Variants in GRID2 observed in about 807,000 individuals in gnomAD.
GRID2 encodes glutamate receptor ionotropic, delta-2.
Under a neutral mutation model 114.8 loss-of-function variants are expected in GRID2, and 33 were observed. That is an observed-to-expected ratio of 0.29 (90% CI 0.22 to 0.38). The LOEUF (loss-of-function observed/expected upper bound fraction) is 0.38, where lower values mean the gene tolerates loss of function less well. GRID2 is among the 10% of genes least tolerant of loss of function. The pLI is 1.00. For synonymous variants in GRID2, 505 were observed against 449.9 expected (o/e 1.12, Z -1.55); for missense variants, 1,184 against 1,257.7 (o/e 0.94, Z 0.89).
At position 92,363,333 on chromosome 4, in the gene GRID2, A is replaced by C. The variant is rs1270804270; in HGVS notation, c.88+58589A>C. Reference sequence around the variant, plus strand: ...TTTTTACAGGCTCTCAAACAGGACAAAATTTTTCAGCTATGAGGTGTGTCT... The same window carrying C: ...TTTTTACAGGCTCTCAAACAGGACACAATTTTTCAGCTATGAGGTGTGTCT... On this transcript the variant is annotated intron_variant, in intron 1 of 15. Coordinates refer to ENST00000282020, the MANE Select transcript of GRID2 (RefSeq NM_001510.4). 2.0e-5 allele frequency among the ~76,000 whole-genome samples: 3 copies of C among 152,098 alleles called. 1 individual carries two copies. The highest frequency in any genetic ancestry group is 4.4e-5 in the Non-Finnish European group (3 of 67,994).
intron 1 of GRID2, among the ~76,000 whole-genome samples, chr4:92,395,560 C>T (rs1026325613): frequency 6.6e-6 from 1 of 151,650 alleles, no homozygotes; most frequent in African/African-American, 2.4e-5. Context: ...CCCAGGAATT[C>T]TAACTTAAAA....
At chr4:93,555,564 T>G (rs901888148) in intron 13 of GRID2, among the ~76,000 whole-genome samples, 6 of 152,168 alleles carry the variant, frequency 3.9e-5, no homozygotes, top group African/African-American at 1.4e-4. Context: ...TCCAGATTCC[T>G]CCTCTTGGGC....
intron 14 of GRID2, among the ~76,000 whole-genome samples, chr4:93,639,994 G>A (rs1330249760): frequency 4.7e-5 from 1 of 21,332 alleles, no homozygotes; most frequent in Non-Finnish European, 7.9e-5. Flanking sequence ...CTTGAGCAGC[G>A]GTTTGTAGTT....
At chr4:93,567,978 A>C in intron 13 of GRID2, among the ~76,000 whole-genome samples, 1 of 152,224 alleles carries the variant, frequency 6.6e-6, no homozygotes, top group Non-Finnish European at 1.5e-5. Context: ...GAAGTCATAC[A>C]CTTATGAAAT....
intron 4 of GRID2, among the ~76,000 whole-genome samples, chr4:93,156,942 A>T (rs1176500144): frequency 6.6e-6 from 1 of 151,788 alleles, no homozygotes; most frequent in Admixed American, 6.6e-5. Context: ...AGCTGAGGTG[A>T]GGAATAGAAA....
intron 4 of GRID2, among the ~76,000 whole-genome samples, chr4:93,170,529 G>T (rs181802379): frequency 2.6e-5 from 4 of 152,168 alleles, no homozygotes; most frequent in Non-Finnish European, 1.5e-5. Flanking sequence ...ATATAGATAG[G>T]TTTCTCTACC....
intron 11 of GRID2, among the ~76,000 whole-genome samples, chr4:93,475,922 A>C (rs2149440801): frequency 6.6e-6 from 1 of 152,270 alleles, no homozygotes; most frequent in South Asian, 2.1e-4. Context: ...GTTCTGACTC[A>C]ACTGCAGTCT....
intron 1 of GRID2, among the ~76,000 whole-genome samples, chr4:93,796,920 G>T (rs538144643): frequency 6.6e-6 from 1 of 152,122 alleles, no homozygotes; most frequent in East Asian, 1.9e-4. Flanking sequence ...TTAACAATGG[G>T]GTACGTTCTC....
chr4:93,679,391 T>G (rs548300708), intron 14 of GRID2, among the ~76,000 whole-genome samples: 1 of 150,610 alleles, frequency 6.6e-6, no homozygotes, highest in Admixed American at 6.6e-5. Context: ...TTAACAAGGA[T>G]ACCCAGGAAT....
Position 93,772,227 on chromosome 4 carries a change from A to G in GRID2, c.2753A>G (p.Gln918Arg), listed in dbSNP as rs1274984899. The stretch of plus-strand genomic sequence containing the variant: ...TTGCCAACACGACAAGCACTGGAGC[A>G]AATCAGTGATTTCAGGAACACTCAT... ...DTLPTRQALE[Q>R]ISDFRNTHIT... Residue 918 changes from glutamine (Q) to arginine (R), a missense_variant, in exon 16 of 16, where the codon CAA (glutamine) becomes CGA (arginine). By Grantham distance (43) the Gln-to-Arg change is conservative. Around this residue, in one of 3 missense-constraint regions of GRID2, gnomAD observed 717 missense variants for 796.9 expected, o/e 0.90. Coordinates refer to ENST00000282020, the MANE Select transcript of GRID2 (RefSeq NM_001510.4). 2 of 1,614,128 alleles carry G rather than the reference A, an allele frequency of 1.2e-6. No individual in the cohort carries two copies. Among genetic ancestry groups the G allele is most frequent in the Admixed American group, 3.3e-5 (2 of 60,002 alleles).
chr4:93,617,315 A>T (rs893967493), intron 13 of GRID2, among the ~76,000 whole-genome samples: 4 of 152,234 alleles, frequency 2.6e-5, no homozygotes, highest in African/African-American at 9.6e-5. Flanking sequence ...TGGTATGCCC[A>T]AACTAACTCA....
chr4:92,841,685 G>A (rs1012406244), intron 2 of GRID2, among the ~76,000 whole-genome samples: 4 of 152,154 alleles, frequency 2.6e-5, no homozygotes, highest in African/African-American at 9.6e-5. Context: ...AGTGAAGCCA[G>A]AAAAATTATT....
chr4:93,392,272 A>T (rs1764932673), intron 8 of GRID2, among the ~76,000 whole-genome samples: 2 of 152,200 alleles, frequency 1.3e-5, no homozygotes, highest in Admixed American at 6.6e-5. Flanking sequence ...AAGACACAGC[A>T]GACAAAAACA....
chr4:92,725,911 G>A (rs1388252955), intron 2 of GRID2, among the ~76,000 whole-genome samples: 6 of 151,984 alleles, frequency 3.9e-5, no homozygotes, highest in African/African-American at 4.8e-5. Context: ...TATAAAAAGC[G>A]GAAGTAAGCA....
At chr4:93,597,916 T>C (rs573852157) in intron 13 of GRID2, among the ~76,000 whole-genome samples, 1 of 152,364 alleles carries the variant, frequency 6.6e-6, no homozygotes, top group African/African-American at 2.4e-5. Context: ...CTATATTTGA[T>C]ACCTCTGGAT....
At chr4:93,314,230 G>C (rs547885611) in intron 8 of GRID2, among the ~76,000 whole-genome samples, 1 of 147,728 alleles carries the variant, frequency 6.8e-6, no homozygotes, top group South Asian at 2.1e-4. Context: ...GCTAGAACCT[G>C]GGAGGTGGAG....
At chr4:92,647,449 G>T (rs1731708991) in intron 2 of GRID2, among the ~76,000 whole-genome samples, 1 of 149,406 alleles carries the variant, frequency 6.7e-6, no homozygotes, top group Non-Finnish European at 1.5e-5. Context: ...ATAGGACAAT[G>T]AATTGTTGCA....
intron 2 of GRID2, among the ~76,000 whole-genome samples, chr4:92,857,262 T>C (rs1311462405): frequency 6.6e-6 from 1 of 152,188 alleles, no homozygotes; most frequent in Non-Finnish European, 1.5e-5. Context: ...TCACTTTTAA[T>C]CAAAGGCTAG....
intron 2 of GRID2, among the ~76,000 whole-genome samples, chr4:93,016,849 T>G (rs1722795779): frequency 6.6e-6 from 1 of 152,222 alleles, no homozygotes; most frequent in Admixed American, 6.5e-5. Flanking sequence ...GTTTTTAGAA[T>G]AAGTTATCAC....
Sources: allele counts gnomAD v4.1 joint callset (sites outside exome capture counted in the v4.1 genomes callset), GRCh38; gene constraint gnomAD v4.1.1; regional missense constraint gnomAD v4.1.1; transcripts MANE v1.5; gene names NCBI Gene and HGNC (gene_info 2026-07-23, HGNC 2026-07-21).